Variants in MDN1 observed in about 807,000 individuals in gnomAD.
The protein encoded by MDN1 is midasin AAA ATPase 1, also known as midasin.
In MDN1, 266 loss-of-function variants were observed where a neutral mutation model predicts 669.2. That is an observed-to-expected ratio of 0.40 (90% CI 0.36 to 0.44). The LOEUF is 0.44. Ranked by LOEUF, MDN1 falls within the 20% of genes least tolerant of loss-of-function variation. The probability of loss-of-function intolerance (pLI) is 1.00; values close to 1 mark genes in which losing one functional copy is unlikely to be tolerated. For synonymous variants in MDN1, 2,385 were observed against 2,457.1 expected (o/e 0.97, Z 0.87); for missense variants, 5,940 against 6,754.0 (o/e 0.88, Z 4.22).
intron 30 of MDN1, 139 bp downstream of exon 30, chr6:89,743,437 G>T: frequency 7.5e-7 from 1 of 1,336,398 alleles, no homozygotes; most frequent in Non-Finnish European, 1.0e-6. Context: ...TGCTTGTGAA[G>T]GCCCTTGTAG....
chr6:89,723,660 T>G, intron 38 of MDN1, 41 bp from the exon 39 acceptor site: 1 of 1,224,770 alleles, frequency 8.2e-7, no homozygotes, highest in Non-Finnish European at 1.1e-6. Context: ...CCTTTGTTTC[T>G]CTTTACCAAA....
chr6:89,731,559 T>G (rs1303061831), intron 34 of MDN1, among the ~76,000 whole-genome samples: 1 of 150,490 alleles, frequency 6.6e-6, no homozygotes, highest in Non-Finnish European at 1.5e-5. Flanking sequence ...AGTTGAACAA[T>G]GAGAACACAT....
Position 89,714,647 on chromosome 6 carries a change from T to C in MDN1, c.6965A>G (p.Asp2322Gly), listed in dbSNP as rs1814201462. 2 of 1,614,174 alleles carry C rather than the reference T, an allele frequency of 1.2e-6. No individual in the cohort carries two copies. Among genetic ancestry groups the C allele is most frequent in the Non-Finnish European group, 1.7e-6 (2 of 1,180,002 alleles). The change falls in exon 46 of 102, where the codon GAC (aspartate) becomes GGC (glycine). Residue 2322 changes from aspartate (D) to glycine (G), a missense_variant. Around this residue, in one of 5 missense-constraint regions of MDN1, gnomAD observed 2,292 missense variants for 2,638.3 expected, o/e 0.87. Transcript: ENST00000369393. The part of the protein sequence containing the change: ...ISGEGDASTP[D>G]NLDLKVLLHS... Reference sequence around the variant, plus strand: ...CAGCAGAACTTTCAAATCCAGGTTGTCTGGGGTGCTTGCATCCCCTTCCCC... The same window carrying C: ...CAGCAGAACTTTCAAATCCAGGTTGCCTGGGGTGCTTGCATCCCCTTCCCC...
At position 89,676,097 on chromosome 6, in the gene MDN1, T is replaced by C. The variant is rs1562072425; in HGVS notation, c.12645+5A>G. ...CCCTGCAAGACTCATGTTCTATCAT[T>C]CTACCTTGGCAGGAGTTGCTAGTGC... is the stretch of plus-strand genomic sequence containing the variant. On this transcript the variant is annotated splice_donor_5th_base_variant and intron_variant, in intron 77 of 101. Transcript: ENST00000369393. 6.2e-7 allele frequency: 1 copy of C among 1,613,226 alleles called. No individual in the cohort carries two copies. Among genetic ancestry groups the C allele is most frequent in the African/African-American group, 1.3e-5 (1 of 75,044 alleles).
chr6:89,781,628 C>G, intron 9 of MDN1, 36 bp from the exon 10 acceptor site: 1 of 1,504,188 alleles, frequency 6.6e-7, no homozygotes, highest in Non-Finnish European at 9.0e-7. Flanking sequence ...ATTTAACAGC[C>G]AGCATGGTAA....
intron 2 of MDN1, among the ~76,000 whole-genome samples, chr6:89,796,545 C>T (rs375346122): frequency 1.3e-4 from 20 of 152,064 alleles, no homozygotes; most frequent in African/African-American, 4.6e-4. Context: ...TAACACTAAT[C>T]CTAATGAACC....
rs554726463 is a variant in MDN1, at chr6:89,808,424, C to T, written c.103-4870G>A. Among the ~76,000 whole-genome samples the T allele has an allele frequency of 4.6e-5, 7 of 152,118 alleles. No individual in the cohort carries two copies. In the East Asian group the frequency reaches 1.4e-3, roughly 29 times the overall value. ...GGGCTGATTTAGCCCTAGAGTGTGGCCCTTCTGGGTTCCACACTAATTATG... is the reference window on the plus strand; with the variant it reads ...GGGCTGATTTAGCCCTAGAGTGTGGTCCTTCTGGGTTCCACACTAATTATG... On this transcript the variant is annotated intron_variant, in intron 1 of 101. Coordinates refer to ENST00000369393, the MANE Select transcript of MDN1 (RefSeq NM_014611.3).
intron 53 of MDN1, among the ~76,000 whole-genome samples, chr6:89,703,102 T>C (rs1458726807): frequency 6.6e-6 from 1 of 151,940 alleles, no homozygotes; most frequent in African/African-American, 2.4e-5. Flanking sequence ...ACCCAGCTAA[T>C]TGTTTTGTAT....
In MDN1 at chr6:89,751,695, T is replaced by C; in HGVS notation, c.3076-113A>G. On this transcript the variant is annotated intron_variant, in intron 22 of 101. Transcript: ENST00000369393. ...ACAAGCTGTCTTGTTCTGCATACTT[T>C]CAACATTAAAACTGGATGAAATATG... The C allele has an allele frequency of 2.7e-6, 3 of 1,105,462 alleles. No homozygotes were observed. The Admixed American group carries it at 7.7e-5, about 28-fold the overall frequency. The allele number at this position is 1,105,462 out of a possible 1,614,324, so 68.5% of individuals were successfully genotyped here. A position where few individuals can be genotyped will look rare whatever the true frequency, so the allele number is the denominator to read the frequency against.
chr6:89,723,486 A>G, intron 39 of MDN1, 26 bp downstream of exon 39: 1 of 1,357,192 alleles, frequency 7.4e-7, no homozygotes, highest in Non-Finnish European at 1.0e-6. Context: ...AGAAAAAAAA[A>G]GAAACCAATA....
At chr6:89,730,587 G>A in intron 35 of MDN1, 139 bp downstream of exon 35, 1 of 676,512 alleles carries the variant, frequency 1.5e-6, no homozygotes. Context: ...ACACAATTAT[G>A]GTTATTCTCA....
At chr6:89,746,061 C>T (rs1816597778) in intron 27 of MDN1, among the ~76,000 whole-genome samples, 2 of 152,122 alleles carry the variant, frequency 1.3e-5, no homozygotes, top group South Asian at 2.1e-4. Context: ...AAACCCAGAA[C>T]CCAAAAAGTA....
chr6:89,763,095 A>G (rs1326431005), intron 15 of MDN1, among the ~76,000 whole-genome samples: 2 of 152,152 alleles, frequency 1.3e-5, no homozygotes, highest in Non-Finnish European at 2.9e-5. Flanking sequence ...CTACTTGAAT[A>G]GTAAAATTCA....
rs1810890086 is a variant in MDN1, at chr6:89,672,658, G to T, written c.13519C>A (p.Gln4507Lys). The T allele has an allele frequency of 3.7e-6, 6 of 1,613,944 alleles. No homozygotes were observed. The highest frequency in any genetic ancestry group is 1.3e-5 in the African/African-American group (1 of 74,998). Residue 4507 changes from glutamine (Q) to lysine (K), a missense_variant, in exon 81 of 102, where the codon CAA (glutamine) becomes AAA (lysine). Transcript: ENST00000369393. ...DEGFVEDFSE[Q>K]MEIAIRAILC... ...ATGGCTCGGATGGCAATTTCCATTT[G>T]CTCTGAAAAATCTTCCACAAATCCT... is the stretch of plus-strand genomic sequence containing the variant.
At position 89,778,216 on chromosome 6, in the gene MDN1, A is replaced by G. The variant is rs149432015; in HGVS notation, c.1726-1521T>C. ...TGTCTCAACTAATAAAAAAAAAAAA[A>G]AGAGAAAACAGGCCCCCAATACTGC... On this transcript the variant is annotated intron_variant, in intron 11 of 101. Transcript: ENST00000369393. Among the ~76,000 whole-genome samples, 1,171 of 151,704 alleles carry G rather than the reference A, an allele frequency of 7.7e-3. 14 individuals carry two copies. The highest frequency in any genetic ancestry group is 0.026 in the African/African-American group (1,069 of 41,454).
In MDN1 at chr6:89,762,543, C is replaced by A. The variant is rs763408490; in HGVS notation, c.2145-13G>T. ...CACCGGTTTATAACTGAAACAGACA[C>A]AGGTAAATGTGATTCACAAACTTCT... On this transcript the variant is annotated splice_polypyrimidine_tract_variant and intron_variant, in intron 15 of 101. Coordinates refer to ENST00000369393, the MANE Select transcript of MDN1 (RefSeq NM_014611.3). 133 of 1,581,704 alleles carry A rather than the reference C, an allele frequency of 8.4e-5. 1 individual carries two copies. The Admixed American group carries it at 1.7e-3, about 20-fold the overall frequency.
chr6:89,746,714 G>T (rs1036724377), intron 27 of MDN1, among the ~76,000 whole-genome samples: 1 of 151,364 alleles, frequency 6.6e-6, no homozygotes, highest in Non-Finnish European at 1.5e-5. Context: ...AAAATCTCTT[G>T]TACTAGTTTT....
chr6:89,715,721 G>A lies in MDN1; in HGVS notation c.6792C>T (p.Val2264=). The change falls in exon 45 of 102, where the codon GTC becomes GTT. Residue 2264 remains valine, a synonymous_variant. Coordinates refer to ENST00000369393, the MANE Select transcript of MDN1 (RefSeq NM_014611.3). ...TCATTCCTCTCTCACTAATAGTGAG[G>A]ACACCTCCGGGTTCAAGCAAAGCAT... is the stretch of plus-strand genomic sequence containing the variant. ...RLNALLEPGG[V]LTISERGMID... 1 of 1,613,810 alleles carries A rather than the reference G, an allele frequency of 6.2e-7. No individual in the cohort carries two copies. Among genetic ancestry groups the A allele is most frequent in the Non-Finnish European group, 8.5e-7 (1 of 1,179,694 alleles).
At chr6:89,674,021 C>A in intron 79 of MDN1, 83 bp downstream of exon 79, 1 of 1,431,556 alleles carries the variant, frequency 7.0e-7, no homozygotes, top group Non-Finnish European at 9.3e-7. Context: ...TCTGTTCACA[C>A]CCTTCCCTTC....
Sources: allele counts gnomAD v4.1 joint callset (sites outside exome capture counted in the v4.1 genomes callset), GRCh38; gene constraint gnomAD v4.1.1; regional missense constraint gnomAD v4.1.1; transcripts MANE v1.5; gene names NCBI Gene and HGNC (gene_info 2026-07-23, HGNC 2026-07-21).